Variants in INAVA observed in about 807,000 individuals in gnomAD.
INAVA encodes innate immunity activator protein.
Under a neutral mutation model 55.3 loss-of-function variants are expected in INAVA, and 32 were observed. The ratio of observed to expected loss-of-function variants is 0.58; its 90% CI spans 0.44 to 0.78. INAVA has a LOEUF of 0.78. Ranked by LOEUF, INAVA falls within the 30% of genes least tolerant of loss-of-function variation. INAVA has a pLI of 0.00. For missense variants in INAVA, 756 were observed against 786.4 expected (o/e 0.96, Z 0.46); for synonymous variants, 294 against 329.4 (o/e 0.89, Z 1.16).
intron 2 of INAVA, among the ~76,000 whole-genome samples, chr1:200,899,251 G>A (rs547555238): frequency 5.3e-5 from 8 of 152,142 alleles, no homozygotes; most frequent in South Asian, 4.1e-4. Flanking sequence ...CTGGTGGGAC[G>A]ACCCTCCCTT....
chr1:200,900,260 C>A, intron 4 of INAVA, 40 bp downstream of exon 4: 1 of 1,548,570 alleles, frequency 6.5e-7, no homozygotes, highest in Non-Finnish European at 8.9e-7. Flanking sequence ...CCTCGATCCC[C>A]AAAGCTGATC....
At chr1:200,896,208 C>T (rs1348133357) in intron 1 of INAVA, among the ~76,000 whole-genome samples, 2 of 152,166 alleles carry the variant, frequency 1.3e-5, no homozygotes, top group African/African-American at 2.4e-5. Context: ...AATTAGCAAG[C>T]GTGACTAATT....
chr1:200,902,309 C>T (rs771408201), intron 5 of INAVA, among the ~76,000 whole-genome samples: 1 of 152,202 alleles, frequency 6.6e-6, no homozygotes, highest in Non-Finnish European at 1.5e-5. Flanking sequence ...GTTATCTCAG[C>T]ACAGGTCTCA....
chr1:200,891,966 C>T (rs1240140973), upstream of INAVA, among the ~76,000 whole-genome samples: 1 of 151,242 alleles, frequency 6.6e-6, no homozygotes, highest in African/African-American at 2.4e-5. Flanking sequence ...AGCAAAGTCT[C>T]GGGCCAGCCT....
intron 5 of INAVA, 22 bp downstream of exon 5, chr1:200,901,181 G>C: frequency 6.7e-7 from 1 of 1,483,312 alleles, no homozygotes; most frequent in Non-Finnish European, 8.9e-7. Context: ...GCCCTGAGGG[G>C]GGCCATGCTC....
chr1:200,908,986 C>T (rs765011629), intron 7 of INAVA, 46 bp downstream of exon 7: 101 of 1,568,396 alleles, frequency 6.4e-5, no homozygotes, highest in Non-Finnish European at 8.1e-5. Flanking sequence ...GGCAGGGAGT[C>T]GGTGGGAGCT....
rs894419649 is a variant in INAVA at position 200,911,585 on chromosome 1, C to T, written c.1092C>T (p.Ala364=). The part of the protein sequence containing the change: ...PATKPPLPHA[A]CHSCSEDSGS... ...CCAAGCCCCCGCTGCCCCACGCCGC[C>T]TGCCACTCCTGCTCAGAAGACAGTG... The change falls in exon 9 of 10, where the codon GCC becomes GCT. Residue 364 remains alanine (A), a synonymous_variant. Transcript: ENST00000413687. 1.2e-6 allele frequency: 2 copies of T among 1,613,838 alleles called. No homozygotes were observed. The highest frequency in any genetic ancestry group is 2.7e-5 in the African/African-American group (2 of 74,908).
At chr1:200,912,395 C>T (rs1233904874) in intron 9 of INAVA, among the ~76,000 whole-genome samples, 1 of 152,142 alleles carries the variant, frequency 6.6e-6, no homozygotes, top group African/African-American at 2.4e-5. Flanking sequence ...AGATGATCCC[C>T]GAAGATAGCT....
chr1:200,913,708 G>T lies in INAVA; in HGVS notation c.*79G>T. 1 of 1,211,740 alleles carries T rather than the reference G, an allele frequency of 8.3e-7. No individual in the cohort carries two copies. Among genetic ancestry groups the T allele is most frequent in the East Asian group, 2.4e-5 (1 of 42,438 alleles). The allele number at this position is 1,211,740 out of a possible 1,614,324, so 75.1% of individuals were successfully genotyped here. A position where few individuals can be genotyped will look rare whatever the true frequency, so the allele number is the denominator to read the frequency against. On this transcript the variant is annotated 3_prime_UTR_variant, in exon 10 of 10. Transcript: ENST00000413687. ...CCCCCACCCCTGAGTGCCTCTTTCAGCTCCCCCATCCCCATCGCAGGCCGA... is the reference window on the plus strand; with the variant it reads ...CCCCCACCCCTGAGTGCCTCTTTCATCTCCCCCATCCCCATCGCAGGCCGA...
chr1:200,901,123 G>A lies in INAVA; in HGVS notation c.484G>A (p.Glu162Lys), dbSNP rs543461914. The change falls in exon 5 of 10, where the codon GAG (glutamate) becomes AAG (lysine). Residue 162 changes from glutamate (E) to lysine (K), a missense_variant. This residue lies in a region of INAVA where 639 missense variants were observed against 624.3 expected (regional missense o/e 1.02). Coordinates refer to ENST00000413687, the MANE Select transcript of INAVA (RefSeq NM_001142569.3). ...RCLVERRRNS[E>K]PPPAAALPLG... ...CCTGGTCGAGCGGCGGCGCAATAGC[G>A]AGCCACCTCCGGCTGCTGCTCTCCC... 5.2e-6 allele frequency: 8 copies of A among 1,529,124 alleles called. No homozygotes were observed. The highest frequency in any genetic ancestry group is 1.4e-5 in the African/African-American group (1 of 72,970). 94.7% of individuals were successfully genotyped at this position (1,529,124 alleles called of 1,614,324 possible). A position where few individuals can be genotyped will look rare whatever the true frequency, so the allele number is the denominator to read the frequency against.
intron 8 of INAVA, among the ~76,000 whole-genome samples, chr1:200,911,011 A>C (rs1035613092): frequency 1.3e-5 from 2 of 152,092 alleles, no homozygotes; most frequent in African/African-American, 4.8e-5. Context: ...CCTAAGCTGA[A>C]AGTACTTAAT....
chr1:200,901,596 T>C (rs919180507), intron 5 of INAVA, among the ~76,000 whole-genome samples: 3 of 152,210 alleles, frequency 2.0e-5, no homozygotes, highest in African/African-American at 7.2e-5. Flanking sequence ...TCCCCTGGCC[T>C]GAGTTAGGCA....
At chr1:200,913,123 T>C (rs1281214462) in intron 9 of INAVA, among the ~76,000 whole-genome samples, 1 of 152,208 alleles carries the variant, frequency 6.6e-6, no homozygotes, top group African/African-American at 2.4e-5. Context: ...TTCTTTGGAC[T>C]GCAGCTGGCA....
chr1:200,912,268 T>C (rs1469021670), intron 9 of INAVA, 131 bp downstream of exon 9: 10 of 900,928 alleles, frequency 1.1e-5, no homozygotes, highest in Non-Finnish European at 1.6e-5. Flanking sequence ...AATCCCCGTC[T>C]AGGAAGAACA....
At chr1:200,901,283 C>A in intron 5 of INAVA, 124 bp downstream of exon 5, 1 of 921,094 alleles carries the variant, frequency 1.1e-6, no homozygotes, top group Non-Finnish European at 1.6e-6. Context: ...TTCTTGGGTT[C>A]AGCTCCACCC....
chr1:200,900,633 C>A (rs919637433), intron 4 of INAVA, among the ~76,000 whole-genome samples: 1 of 152,248 alleles, frequency 6.6e-6, no homozygotes, highest in Non-Finnish European at 1.5e-5. Flanking sequence ...CATGGGCCAG[C>A]CTGCCCCACC....
intron 5 of INAVA, among the ~76,000 whole-genome samples, chr1:200,902,155 C>T (rs1337647084): frequency 6.6e-6 from 1 of 152,226 alleles, no homozygotes; most frequent in East Asian, 1.9e-4. Context: ...GAGGTCTCGG[C>T]CTTCATTCAC....
intron 2 of INAVA, 55 bp from the exon 3 acceptor site, chr1:200,899,418 C>T (rs551809752): frequency 1.6e-5 from 26 of 1,608,680 alleles, no homozygotes; most frequent in Middle Eastern, 1.7e-4. Context: ...CAATAAGTAA[C>T]GGAGGAGGCT....
chr1:200,899,460 C>G lies in INAVA; in HGVS notation c.56-13C>G. 1.2e-6 allele frequency: 2 copies of G among 1,613,948 alleles called. No individual in the cohort carries two copies. The highest frequency in any genetic ancestry group is 1.7e-6 in the Non-Finnish European group (2 of 1,179,982). ...TTCAGCCTCCCTGAGCATGTGCCCC[C>G]CAACCCTTGCAGGCCCCGACAGCCC... On this transcript the variant is annotated splice_polypyrimidine_tract_variant and intron_variant, in intron 2 of 9. Coordinates refer to ENST00000413687, the MANE Select transcript of INAVA (RefSeq NM_001142569.3).
Sources: gnomAD v4.1 joint callset for allele counts (sites outside exome capture counted in the v4.1 genomes callset) on GRCh38, gnomAD v4.1.1 for gene constraint, gnomAD v4.1.1 regional missense constraint, MANE v1.5 for transcripts, NCBI Gene and HGNC (gene_info 2026-07-23, HGNC 2026-07-21) for gene names.